MGRN1: variants seen among roughly 807,000 people sequenced by gnomAD.
MGRN1 encodes the protein E3 ubiquitin-protein ligase MGRN1.
In MGRN1, 29 loss-of-function variants were observed where a neutral mutation model predicts 69.2. The ratio of observed to expected loss-of-function variants is 0.42; its 90% confidence interval spans 0.31 to 0.57. MGRN1 has a LOEUF of 0.57. MGRN1 is among the 20% of genes least tolerant of loss of function. The pLI, the probability that MGRN1 is intolerant of heterozygous loss-of-function variation, is 0.15. For synonymous variants in MGRN1, 470 were observed against 344.2 expected (o/e 1.37, Z -4.04); for missense variants, 998 against 796.2 (o/e 1.25, Z -3.05).
intron 16 of MGRN1, among the ~76,000 whole-genome samples, chr16:4,685,547 T>C (rs1046897625): frequency 6.6e-6 from 1 of 152,152 alleles, no homozygotes; most frequent in South Asian, 2.1e-4. Context: ...GCTCTTGGAG[T>C]TGGCTGCTGC....
intron 16 of MGRN1, among the ~76,000 whole-genome samples, chr16:4,686,003 A>G (rs1231580372): frequency 6.6e-6 from 1 of 152,046 alleles, no homozygotes; most frequent in Non-Finnish European, 1.5e-5. Context: ...TAGGTCCTTC[A>G]TGCGCCCTTC....
intron 1 of MGRN1, among the ~76,000 whole-genome samples, chr16:4,647,651 G>A (rs1017882377): frequency 6.6e-6 from 1 of 152,218 alleles, no homozygotes; most frequent in East Asian, 1.9e-4. Flanking sequence ...GTGTTAACTT[G>A]TTTTCTTTAA....
In MGRN1 at chr16:4,658,545, A is replaced by AT. The variant is rs200261468; in HGVS notation, c.561+1182_561+1183insT. Among the ~76,000 whole-genome samples the AT allele has an allele frequency of 3.8e-3, 574 of 151,690 alleles. 3 individuals are homozygous for AT. Among genetic ancestry groups the AT allele is most frequent in the African/African-American group, 0.013 (552 of 41,250 alleles). On this transcript the variant is annotated intron_variant, in intron 5 of 16. Coordinates refer to ENST00000262370, the MANE Select transcript of MGRN1 (RefSeq NM_015246.4). ...AGTGAGATTCCGTCTCAGAAAAAAA[A>AT]AAAACAATGTAGACCTTGTGGGTCC... is the stretch of plus-strand genomic sequence containing the variant.
At chr16:4,635,160 C>G (rs1052979715) in intron 1 of MGRN1, 1 of 152,368 alleles carries the variant, frequency 6.6e-6, no homozygotes, top group African/African-American at 2.4e-5. Context: ...GCCTGTAATC[C>G]CAGCACTTTG....
rs2079319133 is a variant in MGRN1 at position 4,686,368 on chromosome 16, C to T, written c.1619-2428C>T. ...GCGTCCTTGGAGAGAGGAGCCCTCC[C>T]CTGCTCTCTGGCGGGGGTTCCTTCT... On this transcript the variant is annotated intron_variant, in intron 16 of 16. Transcript: ENST00000262370. 6.6e-6 allele frequency: 10 copies of T among 1,523,112 alleles called. No individual in the cohort carries two copies. The South Asian group carries it at 7.3e-5, about 11-fold the overall frequency. 94.3% of individuals were successfully genotyped at this position (1,523,112 alleles called of 1,614,324 possible).
intron 5 of MGRN1, among the ~76,000 whole-genome samples, chr16:4,660,808 G>T (rs1022233970): frequency 6.6e-6 from 1 of 152,160 alleles, no homozygotes; most frequent in African/African-American, 2.4e-5. Context: ...AGGCTCACAA[G>T]GGGCCTACAG....
intron 5 of MGRN1, among the ~76,000 whole-genome samples, chr16:4,661,223 C>T (rs761812419): frequency 1.1e-4 from 16 of 152,012 alleles, no homozygotes; most frequent in Non-Finnish European, 1.8e-4. Flanking sequence ...CAGCAATCCT[C>T]GTACCTCGGC....
At chr16:4,654,822 A>C (rs1232038792) in intron 4 of MGRN1, among the ~76,000 whole-genome samples, 1 of 152,212 alleles carries the variant, frequency 6.6e-6, no homozygotes, top group African/African-American at 2.4e-5. Flanking sequence ...ACCTGCCACC[A>C]GGTGAGGCCG....
chr16:4,674,213 G>C (rs2079003672), intron 10 of MGRN1, among the ~76,000 whole-genome samples: 1 of 151,912 alleles, frequency 6.6e-6, no homozygotes, highest in South Asian at 2.1e-4. Flanking sequence ...TGAACTCCTG[G>C]CCTCAAGTAA....
rs2079143984 is a variant in MGRN1, at chr16:4,680,058, C to A, written c.1092C>A (p.His364Gln). Residue 364 changes from histidine to glutamine, a missense_variant, in exon 12 of 17, where the codon CAC becomes CAA. By Grantham distance (24) the His-to-Gln change is conservative (BLOSUM62 0). Transcript: ENST00000262370. ...GTCCCTTTAAAAAATCAAAGCCGCACCCCGCCTCCCTGGCCAGCAAGAAAC... is the reference window on the plus strand; with the variant it reads ...GTCCCTTTAAAAAATCAAAGCCGCAACCCGCCTCCCTGGCCAGCAAGAAAC... The part of the protein sequence containing the change: ...HSCPFKKSKP[H>Q]PASLASKKPK... The A allele has an allele frequency of 6.2e-7, 1 of 1,614,134 alleles. No homozygotes were observed. Among genetic ancestry groups the A allele is most frequent in the Non-Finnish European group, 8.5e-7 (1 of 1,180,000 alleles).
chr16:4,682,655 C>T (rs111502001), intron 13 of MGRN1, among the ~76,000 whole-genome samples, 168 bp from the exon 14 acceptor site: 10 of 152,176 alleles, frequency 6.6e-5, no homozygotes, highest in African/African-American at 1.9e-4. Context: ...GCCTGTTGGC[C>T]GTTTGGGTTG....
intron 16 of MGRN1, chr16:4,686,192 G>A (rs529403063): frequency 1.3e-6 from 2 of 1,524,994 alleles, no homozygotes; most frequent in African/African-American, 2.7e-5. Context: ...TGCCCTTGCT[G>A]TGGCTGTGCT....
chr16:4,680,086 A>T lies in MGRN1; in HGVS notation c.1120A>T (p.Lys374Ter). Residue 374 changes from lysine (K) to a stop codon, truncating the protein, a stop_gained, in exon 12 of 17, where the codon AAA (lysine) becomes TAA (stop). Transcript: ENST00000262370. LOFTEE classifies it high-confidence loss of function. Reference sequence around the variant, plus strand: ...CGCCTCCCTGGCCAGCAAGAAACCTAAAAGGGAAACAGTAAGTGTCTGGTC... The same window carrying T: ...CGCCTCCCTGGCCAGCAAGAAACCTTAAAGGGAAACAGTAAGTGTCTGGTC... ...HPASLASKKP[K>*]RETNSDSVPP... 6.2e-7 allele frequency: 1 copy of T among 1,613,954 alleles called. No individual in the cohort carries two copies. The highest frequency in any genetic ancestry group is 2.2e-5 in the East Asian group (1 of 44,868).
intron 16 of MGRN1, among the ~76,000 whole-genome samples, chr16:4,684,942 T>G (rs902065423): frequency 6.6e-6 from 1 of 152,206 alleles, no homozygotes; most frequent in South Asian, 2.1e-4. Context: ...GGCCTGACAT[T>G]GGGTGGTTGT....
intron 1 of MGRN1, among the ~76,000 whole-genome samples, chr16:4,627,572 G>C (rs1292987823): frequency 6.6e-6 from 1 of 152,130 alleles, no homozygotes; most frequent in Non-Finnish European, 1.5e-5. Flanking sequence ...CGGATCACAA[G>C]GTCAGGAGAT....
intron 4 of MGRN1, among the ~76,000 whole-genome samples, chr16:4,654,481 A>G (rs941241139): frequency 2.0e-5 from 3 of 152,256 alleles, no homozygotes; most frequent in Admixed American, 6.5e-5. Flanking sequence ...CCAGGCTACA[A>G]GGGCACATGT....
At position 4,683,400 on chromosome 16, in the gene MGRN1, C is replaced by A. The variant is rs1251725116; in HGVS notation, c.1528+131C>A. 6.0e-5 allele frequency: 65 copies of A among 1,091,902 alleles called. No individual in the cohort carries two copies. In the East Asian group the frequency reaches 1.6e-3, roughly 27 times the overall value. 67.6% of individuals were successfully genotyped at this position (1,091,902 alleles called of 1,614,324 possible). On this transcript the variant is annotated intron_variant, in intron 15 of 16. Coordinates refer to ENST00000262370, the MANE Select transcript of MGRN1 (RefSeq NM_015246.4). ...CCCAGGAACCCTCGGCCAAGAGGCC[C>A]CCCTCGGCGGCACTGGGATCCCGGC...
chr16:4,664,971 C>A, intron 6 of MGRN1, 131 bp from the exon 7 acceptor site: 2 of 1,216,928 alleles, frequency 1.6e-6, no homozygotes, highest in Admixed American at 2.0e-5. Context: ...GGTCCCAGAA[C>A]AGGCTCAGGA....
chr16:4,653,535 C>A (rs112829649), intron 4 of MGRN1, among the ~76,000 whole-genome samples: 75 of 152,366 alleles, frequency 4.9e-4, no homozygotes, highest in African/African-American at 1.6e-3. Flanking sequence ...GCTGCCCAGG[C>A]TGGCGTGCAG....
Sources: allele counts gnomAD v4.1 joint callset (sites outside exome capture counted in the v4.1 genomes callset), GRCh38; gene constraint gnomAD v4.1.1; transcripts MANE v1.5; gene names NCBI Gene and HGNC (gene_info 2026-07-23, HGNC 2026-07-21).